Variants in BANP observed in about 807,000 individuals in gnomAD.
BANP encodes the protein BTG3 associated nuclear protein.
BANP carries 11 observed loss-of-function variants against 68.1 expected under a neutral mutation model. The ratio of observed to expected loss-of-function variants is 0.16; its 90% CI spans 0.10 to 0.27. The LOEUF is 0.27. BANP is among the 10% of genes least tolerant of loss of function. The pLI, the probability that BANP is intolerant of heterozygous loss-of-function variation, is 1.00. For synonymous variants in BANP, 329 were observed against 303.2 expected (o/e 1.09, Z -0.88); for missense variants, 504 against 722.7 (o/e 0.70, Z 3.47).
At chr16:87,953,260 GACTT>G (rs756529539) in intron 1 of BANP, among the ~76,000 whole-genome samples, 13 of 151,970 alleles carry the variant, frequency 8.6e-5, no homozygotes, top group Admixed American at 8.5e-4. Flanking sequence ...GTCAATGAAA[GACTT>G]ACAATGAAAA....
intron 1 of BANP, among the ~76,000 whole-genome samples, chr16:87,973,531 C>T (rs1307614323): frequency 6.6e-6 from 1 of 152,094 alleles, no homozygotes; most frequent in Non-Finnish European, 1.5e-5. Context: ...GAGGCCGAGG[C>T]ATGCGGATCA....
chr16:88,029,902 G>A (rs1302810938), intron 8 of BANP, among the ~76,000 whole-genome samples: 1 of 152,232 alleles, frequency 6.6e-6, no homozygotes, highest in African/African-American at 2.4e-5. Context: ...CCTAAGAGCA[G>A]AGGGTTACAC....
At chr16:87,988,722 G>T (rs1162484994) in intron 4 of BANP, among the ~76,000 whole-genome samples, 1 of 152,240 alleles carries the variant, frequency 6.6e-6, no homozygotes, top group Non-Finnish European at 1.5e-5. Flanking sequence ...CAGCACAGAT[G>T]CAGACACCTT....
chr16:88,072,042 G>C, intron 12 of BANP, 27 bp from the exon 13 acceptor site: 1 of 1,551,396 alleles, frequency 6.4e-7, no homozygotes, highest in Non-Finnish European at 8.7e-7. Flanking sequence ...CCACGCCGCT[G>C]ACGGGCCCCC....
chr16:88,067,451 C>A (rs1010780900), intron 12 of BANP, among the ~76,000 whole-genome samples: 2 of 152,156 alleles, frequency 1.3e-5, no homozygotes, highest in Admixed American at 6.5e-5. Flanking sequence ...TGCGTGCCCC[C>A]GCCCTGAGAC....
At chr16:88,012,918 A>G (rs2073547924) in intron 6 of BANP, among the ~76,000 whole-genome samples, 1 of 151,860 alleles carries the variant, frequency 6.6e-6, no homozygotes, top group Non-Finnish European at 1.5e-5. Context: ...GGATTTTTAA[A>G]TCATCGTTTT....
At chr16:88,032,482 G>A (rs1353868423) in intron 8 of BANP, among the ~76,000 whole-genome samples, 1 of 152,230 alleles carries the variant, frequency 6.6e-6, no homozygotes, top group African/African-American at 2.4e-5. Flanking sequence ...GATTACAGGT[G>A]TGAGCCACCG....
rs1357185905 is a variant in BANP, at chr16:88,002,243, G to A, written c.363-2052G>A. 1.3e-5 allele frequency among the ~76,000 whole-genome samples: 2 copies of A among 152,182 alleles called. No homozygotes were observed. The highest frequency in any genetic ancestry group is 3.9e-4 in the East Asian group (2 of 5,180). ...AGAGGAAGGAGTCCTTGGCTTCTTT[G>A]AGTTGTGTGCCAGGGGTCTCAGTGG... On this transcript the variant is annotated intron_variant, in intron 4 of 13. Coordinates refer to ENST00000682872, the MANE Select transcript of BANP (RefSeq NM_001386991.1). The surrounding 1 kb of genome is among the most constrained non-coding windows in gnomAD (Gnocchi z 4.6).
chr16:87,967,350 C>T (rs1337711973), intron 1 of BANP, among the ~76,000 whole-genome samples: 2 of 150,172 alleles, frequency 1.3e-5, no homozygotes, highest in Non-Finnish European at 2.9e-5. Flanking sequence ...TCAGGTGATC[C>T]ACCCACCTTC....
chr16:87,975,973 G>T (rs767890669), intron 2 of BANP, among the ~76,000 whole-genome samples: 2 of 151,412 alleles, frequency 1.3e-5, no homozygotes, highest in African/African-American at 2.4e-5. Context: ...ACCATGTGGT[G>T]TGTGTAATCC....
rs968436176 is a variant in BANP, at chr16:87,951,462, A to G, written c.-122A>G. ...GCGGCGGCTTCTCTCGCGAGGACGGACGCCATTATCGCATCTCCCCGACAA... is the reference window on the plus strand; with the variant it reads ...GCGGCGGCTTCTCTCGCGAGGACGGGCGCCATTATCGCATCTCCCCGACAA... On this transcript the variant is annotated 5_prime_UTR_variant, in exon 1 of 14. Transcript: ENST00000682872. The G allele has an allele frequency of 2.6e-5, 4 of 151,920 alleles. No homozygotes were observed. Among genetic ancestry groups the G allele is most frequent in the Non-Finnish European group, 4.4e-5 (3 of 67,840 alleles). 9.4% of individuals were successfully genotyped at this position (151,920 alleles called of 1,614,324 possible). A position where few individuals can be genotyped will look rare whatever the true frequency, so the allele number is the denominator to read the frequency against.
Position 88,076,744 on chromosome 16 carries a change from C to T in BANP, c.*83C>T, listed in dbSNP as rs1182246135. On this transcript the variant is annotated 3_prime_UTR_variant, in exon 14 of 14. Coordinates refer to ENST00000682872, the MANE Select transcript of BANP (RefSeq NM_001386991.1). ...GCGCCCTGCTCTCACGGCCTCGGCA[C>T]AGGCAGCGGCTGCACGTGTTCTGCT... is the stretch of plus-strand genomic sequence containing the variant. The T allele has an allele frequency of 6.1e-6, 7 of 1,152,972 alleles. No homozygotes were observed. Among genetic ancestry groups the T allele is most frequent in the African/African-American group, 3.1e-5 (2 of 64,170 alleles). The allele number at this position is 1,152,972 out of a possible 1,614,324, so 71.4% of individuals were successfully genotyped here. A position where few individuals can be genotyped will look rare whatever the true frequency, so the allele number is the denominator to read the frequency against.
At chr16:87,986,826 C>T (rs1439467095) in intron 4 of BANP, among the ~76,000 whole-genome samples, 1 of 152,096 alleles carries the variant, frequency 6.6e-6, no homozygotes, top group Non-Finnish European at 1.5e-5. Flanking sequence ...ATGCACAATC[C>T]AGTTAACCCA....
At chr16:87,994,041 G>C (rs2152507626) in intron 4 of BANP, among the ~76,000 whole-genome samples, 1 of 152,244 alleles carries the variant, frequency 6.6e-6, no homozygotes. Context: ...GAGGGCCCTG[G>C]CGTTAGAGAC....
rs377695596 is a variant in BANP at position 88,043,673 on chromosome 16, A to C, written c.1311+5662A>C. ...GGCCTTGTATGGTAAATTAGACCAC[A>C]ATCAGGGGCATCTGGAATTCCCTGA... On this transcript the variant is annotated intron_variant, in intron 11 of 13. Coordinates refer to ENST00000682872, the MANE Select transcript of BANP (RefSeq NM_001386991.1). 1.5e-4 allele frequency among the ~76,000 whole-genome samples: 23 copies of C among 152,320 alleles called. No individual in the cohort carries two copies. The East Asian group carries it at 4.4e-3, about 29-fold the overall frequency.
chr16:87,950,621 A>G (rs1021600673), upstream of BANP: 1 of 152,122 alleles, frequency 6.6e-6, no homozygotes, highest in Non-Finnish European at 1.5e-5. Context: ...TTTTTAGTAG[A>G]GACAGGGTTT....
In BANP at chr16:87,975,342, CT is replaced by C; in HGVS notation, c.70+158del. ...CTAGAGATGTGAACACTGTCGGCCC[CT>C]CCCTTCCCTCGCCCCTGCAGCCTCA... On this transcript the variant is annotated intron_variant, in intron 2 of 13. Coordinates refer to ENST00000682872, the MANE Select transcript of BANP (RefSeq NM_001386991.1). 3 of 726,118 alleles carry C rather than the reference CT, an allele frequency of 4.1e-6. No homozygotes were observed. The South Asian group carries it at 5.2e-5, about 12-fold the overall frequency. 45.0% of individuals were successfully genotyped at this position (726,118 alleles called of 1,614,324 possible).
rs371442198 is a variant in BANP at position 87,993,591 on chromosome 16, G to GT, written c.362+9343dup. 8.5e-3 allele frequency among the ~76,000 whole-genome samples: 1,224 copies of GT among 143,460 alleles called. 21 individuals are homozygous for GT. The highest frequency in any genetic ancestry group is 0.027 in the African/African-American group (1,056 of 38,746). The allele number at this position is 143,460 out of a possible 152,430, so 94.1% of individuals were successfully genotyped here. On this transcript the variant is annotated intron_variant, in intron 4 of 13. Transcript: ENST00000682872. ...CATTGTAGGTGTTTCATCATTAGTG[G>GT]TTTTTTTTTTTCCCTTTTTTTCTTT...
chr16:87,950,023 G>T (rs7199454), upstream of BANP, among the ~76,000 whole-genome samples: 1 of 151,822 alleles, frequency 6.6e-6, no homozygotes, highest in Non-Finnish European at 1.5e-5. Flanking sequence ...GACTACAGGC[G>T]CCTGCCACCG....
Sources: allele counts gnomAD v4.1 joint callset (sites outside exome capture counted in the v4.1 genomes callset), GRCh38; gene constraint gnomAD v4.1.1; non-coding constraint Gnocchi (gnomAD v3.1); transcripts MANE v1.5; gene names NCBI Gene and HGNC (gene_info 2026-07-23, HGNC 2026-07-21).